Variants in SPATA4 observed in about 807,000 individuals in gnomAD.
The protein encoded by SPATA4 is spermatogenesis associated 4.
In SPATA4, 35 loss-of-function variants were observed where a neutral mutation model predicts 31.8. That is an observed-to-expected ratio of 1.10 (90% CI 0.84 to 1.46). The LOEUF is 1.46. SPATA4 is among the 40% of genes most tolerant of loss of function. The pLI is 0.00. For synonymous variants in SPATA4, 126 were observed against 132.4 expected, an observed-to-expected ratio of 0.95 and a Z score of 0.33; for missense variants, 394 against 363.1, an observed-to-expected ratio of 1.09 and a Z score of -0.69.
Position 176,195,375 on chromosome 4 carries a change from T to C in SPATA4, c.188A>G (p.Asp63Gly). Residue 63 changes from aspartate (D) to glycine (G), a missense_variant, in exon 1 of 6, where the codon GAT (aspartate) becomes GGT (glycine). By Grantham distance (94) the Asp-to-Gly change is moderately conservative. Transcript: ENST00000280191. The part of the protein sequence containing the change: ...RSVLRWLQGL[D>G]LSFFPRNINR... ...GATGTTCCTGGGGAAGAAGCTGAGATCCAGACCCTGAAGCCAACGCAGAAC... is the reference window on the plus strand; with the variant it reads ...GATGTTCCTGGGGAAGAAGCTGAGACCCAGACCCTGAAGCCAACGCAGAAC... The C allele has an allele frequency of 6.2e-7, 1 of 1,613,968 alleles. No homozygotes were observed. The highest frequency in any genetic ancestry group is 8.5e-7 in the Non-Finnish European group (1 of 1,179,996).
intron 1 of SPATA4, 79 bp from the exon 2 acceptor site, chr4:176,193,661 T>C (rs770999173): frequency 9.0e-6 from 12 of 1,331,384 alleles, no homozygotes; most frequent in Admixed American, 2.7e-5. Flanking sequence ...AATACTAGTC[T>C]AATATTCCAT....
At chr4:176,191,729 A>T (rs1365387650) in intron 4 of SPATA4, among the ~76,000 whole-genome samples, 1 of 152,232 alleles carries the variant, frequency 6.6e-6, no homozygotes, top group Non-Finnish European at 1.5e-5. Context: ...GCCAGAGATG[A>T]GAAAAATCAA....
At chr4:176,185,953 G>A (rs932112747) in intron 5 of SPATA4, among the ~76,000 whole-genome samples, 1 of 152,126 alleles carries the variant, frequency 6.6e-6, no homozygotes, top group Non-Finnish European at 1.5e-5. Context: ...AGAGCAACCA[G>A]AGAATCATAA....
chr4:176,190,158 G>A (rs984406408), intron 4 of SPATA4, among the ~76,000 whole-genome samples: 5 of 152,206 alleles, frequency 3.3e-5, no homozygotes, highest in East Asian at 1.9e-4. Context: ...CCCAGGTCGC[G>A]GCACTGGGCT....
rs200960535 is a variant in SPATA4 at position 176,192,756 on chromosome 4, A to T, written c.559T>A (p.Ser187Thr). 7 of 1,614,026 alleles carry T rather than the reference A, an allele frequency of 4.3e-6. No homozygotes were observed. The highest frequency in any genetic ancestry group is 5.9e-6 in the Non-Finnish European group (7 of 1,180,006). Reference protein sequence around the residue: ...PLVSRSTVSKSIKDNIRLSEL... With the variant: ...PLVSRSTVSKTIKDNIRLSEL... ...GATAACCTAATGTTATCTTTAATAG[A>T]CTTCGAAACTGTAGACCTGGAAACC... is the stretch of plus-strand genomic sequence containing the variant. The change falls in exon 4 of 6, where the codon TCT becomes ACT. Residue 187 changes from serine to threonine, a missense_variant. Physicochemically the swap from Ser to Thr is moderately conservative, Grantham distance 58 (BLOSUM62 1). Coordinates refer to ENST00000280191, the MANE Select transcript of SPATA4 (RefSeq NM_144644.4).
At chr4:176,188,771 T>C (rs62339459) in intron 4 of SPATA4, among the ~76,000 whole-genome samples, 6,150 of 152,322 alleles carry the variant, frequency 0.04, 196 homozygotes, top group Non-Finnish European at 0.06. Context: ...CATATTTCTT[T>C]TTAACTAATC....
intron 4 of SPATA4, among the ~76,000 whole-genome samples, chr4:176,190,296 A>G (rs923901565): frequency 6.6e-6 from 1 of 152,180 alleles, no homozygotes; most frequent in African/African-American, 2.4e-5. Flanking sequence ...ACTTTAATCA[A>G]TTTAAACTTT....
intron 5 of SPATA4, among the ~76,000 whole-genome samples, chr4:176,187,714 G>A (rs1752467671): frequency 6.6e-6 from 1 of 152,206 alleles, no homozygotes; most frequent in Admixed American, 6.5e-5. Context: ...AATGCTTTCT[G>A]AATTAACAGG....
At chr4:176,184,952 G>T in intron 5 of SPATA4, 60 bp from the exon 6 acceptor site, 1 of 978,558 alleles carries the variant, frequency 1.0e-6, no homozygotes, top group Non-Finnish European at 1.6e-6. Flanking sequence ...ATTCATACAA[G>T]CATCAACATG....
At chr4:176,192,513 T>C in intron 4 of SPATA4, 114 bp downstream of exon 4, 1 of 782,370 alleles carries the variant, frequency 1.3e-6, no homozygotes, top group Non-Finnish European at 2.1e-6. Context: ...AATTTCCCTT[T>C]AAACCAGTTA....
chr4:176,187,558 C>G (rs1220017023), intron 5 of SPATA4, among the ~76,000 whole-genome samples: 3 of 151,180 alleles, frequency 2.0e-5, no homozygotes, highest in Non-Finnish European at 4.4e-5. Flanking sequence ...GAGCCGAGAT[C>G]ACACCACTGC....
At chr4:176,191,443 T>C (rs938927011) in intron 4 of SPATA4, among the ~76,000 whole-genome samples, 1 of 152,222 alleles carries the variant, frequency 6.6e-6, no homozygotes, top group Non-Finnish European at 1.5e-5. Context: ...GGATGATAGT[T>C]ACTCTTGGAA....
chr4:176,188,208 C>T lies in SPATA4; in HGVS notation c.716G>A (p.Gly239Glu). Residue 239 changes from glycine (G) to glutamate (E), a missense_variant, in exon 5 of 6, where the codon GGA (glycine) becomes GAA (glutamate). By Grantham distance (98) the Gly-to-Glu change is moderately conservative. Coordinates refer to ENST00000280191, the MANE Select transcript of SPATA4 (RefSeq NM_144644.4). ...AGGAAGGTGATTGAGAGTAACTTCT[C>T]CCACTGTTGGTTTCACATCAAACCA... ...PEWFDVKPTV[G>E]EVTLNHLPAQ... 1 of 1,611,992 alleles carries T rather than the reference C, an allele frequency of 6.2e-7. No individual in the cohort carries two copies.
At chr4:176,191,760 A>G (rs1185946256) in intron 4 of SPATA4, among the ~76,000 whole-genome samples, 3 of 152,186 alleles carry the variant, frequency 2.0e-5, no homozygotes, top group South Asian at 2.1e-4. Flanking sequence ...ACAAAATATA[A>G]GAGATGGAAG....
chr4:176,192,597 A>G (rs763868670), intron 4 of SPATA4, 30 bp downstream of exon 4: 15 of 1,575,084 alleles, frequency 9.5e-6, no homozygotes, highest in Non-Finnish European at 1.3e-5. Flanking sequence ...AGAGCTTGGA[A>G]GAACTCAGCT....
rs558619990 is a variant in SPATA4, at chr4:176,187,448, A to G, written c.805+671T>C. On this transcript the variant is annotated intron_variant, in intron 5 of 5. Coordinates refer to ENST00000280191, the MANE Select transcript of SPATA4 (RefSeq NM_144644.4). ...GGTGAAACCCCATCTCTACTAAAAT[A>G]CAAAAAATTAGCCAGGCGTGGCACC... Among the ~76,000 whole-genome samples, 5 of 152,102 alleles carry G rather than the reference A, an allele frequency of 3.3e-5. No individual in the cohort carries two copies. In the East Asian group the frequency reaches 9.7e-4, roughly 29 times the overall value.
intron 5 of SPATA4, among the ~76,000 whole-genome samples, chr4:176,185,468 A>T (rs1399731164): frequency 6.6e-6 from 1 of 152,166 alleles, no homozygotes; most frequent in Non-Finnish European, 1.5e-5. Context: ...CTTACAATTA[A>T]TTTTGGCCCC....
At position 176,192,688 on chromosome 4, in the gene SPATA4, T is replaced by G. The variant is rs775069268; in HGVS notation, c.627A>C (p.Lys209Asn). The part of the protein sequence containing the change: ...SNPNMLTNEL[K>N]AEFLILLHML... ...TATGTAAAAGGATGAGGAACTCCGC[T>G]TTAAGTTCATTGGTCAGCATGTTGG... The change falls in exon 4 of 6, where the codon AAA becomes AAC. Residue 209 changes from lysine (K) to asparagine (N), a missense_variant. Physicochemically the swap from Lys to Asn is moderately conservative, Grantham distance 94. Coordinates refer to ENST00000280191, the MANE Select transcript of SPATA4 (RefSeq NM_144644.4). 12 of 1,614,002 alleles carry G rather than the reference T, an allele frequency of 7.4e-6. No individual in the cohort carries two copies. The highest frequency in any genetic ancestry group is 9.3e-6 in the Non-Finnish European group (11 of 1,179,996).
chr4:176,187,423 G>A lies in SPATA4; in HGVS notation c.805+696C>T, dbSNP rs575772687. Among the ~76,000 whole-genome samples, 24 of 151,982 alleles carry A rather than the reference G, an allele frequency of 1.6e-4. No individual in the cohort carries two copies. In the South Asian group the frequency reaches 2.7e-3, roughly 17 times the overall value. On this transcript the variant is annotated intron_variant, in intron 5 of 5. Coordinates refer to ENST00000280191, the MANE Select transcript of SPATA4 (RefSeq NM_144644.4). ...AGTTCAGGACCAGCCTGGGCAACAC[G>A]GTGAAACCCCATCTCTACTAAAATA...
Sources: gnomAD v4.1 joint callset for allele counts (sites outside exome capture counted in the v4.1 genomes callset) on GRCh38, gnomAD v4.1.1 for gene constraint, MANE v1.5 for transcripts, NCBI Gene and HGNC (gene_info 2026-07-23, HGNC 2026-07-21) for gene names.